The following DOK6 variants were observed in gnomAD, a reference collection of about 807,000 sequenced individuals.
DOK6 encodes the protein downstream of tyrosine kinase 6.
In DOK6, 22 loss-of-function variants were observed where a neutral mutation model predicts 44.0. The ratio of observed to expected loss-of-function variants is 0.50; its 90% confidence interval spans 0.36 to 0.71. DOK6 has a LOEUF of 0.71. DOK6 is among the 30% of genes least tolerant of loss of function. DOK6 has a pLI of 0.00. For missense variants in DOK6, 340 were observed against 416.4 expected (o/e 0.82, Z 1.60); for synonymous variants, 166 against 145.5 (o/e 1.14, Z -1.01).
At chr18:69,478,937 G>T (rs1980343656) in intron 1 of DOK6, among the ~76,000 whole-genome samples, 1 of 152,132 alleles carries the variant, frequency 6.6e-6, no homozygotes, top group Non-Finnish European at 1.5e-5. Context: ...AAGACCACCA[G>T]ATTGTAGTAT....
chr18:69,827,635 T>C (rs1981779705), intron 7 of DOK6, among the ~76,000 whole-genome samples: 2 of 152,024 alleles, frequency 1.3e-5, no homozygotes, highest in African/African-American at 4.8e-5. Context: ...AATGCAAGCT[T>C]AACCCTGTAT....
At chr18:69,401,333 T>C in intron 1 of DOK6, 23 bp downstream of exon 1, 1 of 1,493,914 alleles carries the variant, frequency 6.7e-7, no homozygotes, top group Non-Finnish European at 8.9e-7. Flanking sequence ...CTCGGCTTGC[T>C]CCTTCCCCGG....
intron 1 of DOK6, among the ~76,000 whole-genome samples, chr18:69,434,125 G>A (rs1165341034): frequency 1.3e-5 from 2 of 152,146 alleles, no homozygotes; most frequent in Admixed American, 6.5e-5. Context: ...TGGTGTGAAA[G>A]CAATGAAAGT....
intron 3 of DOK6, among the ~76,000 whole-genome samples, chr18:69,617,868 A>C (rs1984349398): frequency 6.6e-6 from 1 of 152,172 alleles, no homozygotes; most frequent in Non-Finnish European, 1.5e-5. Flanking sequence ...TTCAGGTCCT[A>C]ACCTCCAGTA....
chr18:69,653,377 C>T (rs534489932), intron 3 of DOK6, among the ~76,000 whole-genome samples: 15 of 151,820 alleles, frequency 9.9e-5, no homozygotes, highest in East Asian at 3.9e-4. Context: ...GCTGAGGTCC[C>T]GGAGAAAAGG....
At chr18:69,826,589 C>G (rs1410486677) in intron 7 of DOK6, among the ~76,000 whole-genome samples, 1 of 152,096 alleles carries the variant, frequency 6.6e-6, no homozygotes, top group Non-Finnish European at 1.5e-5. Context: ...TTCCTTCTTT[C>G]TCCTACAATC....
chr18:69,512,858 T>C (rs750641472), intron 1 of DOK6, among the ~76,000 whole-genome samples: 2 of 152,240 alleles, frequency 1.3e-5, no homozygotes, highest in Non-Finnish European at 2.9e-5. Flanking sequence ...AAAATGGTTA[T>C]AACTTTTAAC....
chr18:69,449,863 G>A (rs1296405321), intron 1 of DOK6, among the ~76,000 whole-genome samples: 1 of 151,036 alleles, frequency 6.6e-6, no homozygotes, highest in Non-Finnish European at 1.5e-5. Context: ...TCTGTTAGAA[G>A]GAAAACTAAC....
chr18:69,777,784 A>G (rs1190471223), intron 7 of DOK6: 1 of 151,470 alleles, frequency 6.6e-6, no homozygotes, highest in Non-Finnish European at 1.5e-5. Flanking sequence ...AGGATTCAAC[A>G]TGATATCTGT....
intron 7 of DOK6, among the ~76,000 whole-genome samples, chr18:69,783,635 A>G (rs191342545): frequency 1.3e-5 from 2 of 152,188 alleles, no homozygotes; most frequent in East Asian, 1.9e-4. Context: ...ATATTTCTTT[A>G]TTTTCTAAAA....
intron 1 of DOK6, among the ~76,000 whole-genome samples, chr18:69,403,517 AG>A (rs770644597): frequency 6.6e-6 from 1 of 152,318 alleles, no homozygotes; most frequent in Non-Finnish European, 1.5e-5. Flanking sequence ...AAACAATAAA[AG>A]TGTGTTCATA....
intron 2 of DOK6, among the ~76,000 whole-genome samples, chr18:69,594,235 CAGAT>C (rs1439370291): frequency 2.0e-5 from 3 of 150,892 alleles, no homozygotes; most frequent in South Asian, 2.1e-4. Context: ...GATGGATGGA[CAGAT>C]AGATAGCAAA....
At chr18:69,577,880 G>A (rs933386793) in intron 2 of DOK6, among the ~76,000 whole-genome samples, 4 of 151,956 alleles carry the variant, frequency 2.6e-5, no homozygotes, top group South Asian at 2.1e-4. Flanking sequence ...GATATCTATC[G>A]CCAATAAGAA....
chr18:69,806,503 T>A (rs1027133664), intron 7 of DOK6, among the ~76,000 whole-genome samples: 2 of 151,968 alleles, frequency 1.3e-5, no homozygotes, highest in South Asian at 4.1e-4. Context: ...GAAACTAGGA[T>A]TATTTCCCTC....
At chr18:69,542,411 T>A (rs533104619) in intron 1 of DOK6, among the ~76,000 whole-genome samples, 1 of 151,434 alleles carries the variant, frequency 6.6e-6, no homozygotes, top group Non-Finnish European at 1.5e-5. Flanking sequence ...TGTTAGTTAT[T>A]ATTACTGAAA....
intron 5 of DOK6, among the ~76,000 whole-genome samples, chr18:69,737,705 A>G (rs973728020): frequency 6.6e-6 from 1 of 152,202 alleles, no homozygotes; most frequent in African/African-American, 2.4e-5. Context: ...AGTAGTTTTT[A>G]CTTCAGAGAC....
chr18:69,482,555 T>A (rs1980458034), intron 1 of DOK6, among the ~76,000 whole-genome samples: 1 of 152,052 alleles, frequency 6.6e-6, no homozygotes, highest in Non-Finnish European at 1.5e-5. Context: ...GGAAAAACAA[T>A]TCTGTTCTAG....
At chr18:69,785,745 C>T (rs1430352678) in intron 7 of DOK6, among the ~76,000 whole-genome samples, 2 of 152,056 alleles carry the variant, frequency 1.3e-5, no homozygotes, top group African/African-American at 2.4e-5. Context: ...CCTGACATTA[C>T]GTTGTCCATT....
chr18:69,611,727 G>A (rs1984144627), intron 3 of DOK6, among the ~76,000 whole-genome samples: 1 of 152,136 alleles, frequency 6.6e-6, no homozygotes, highest in Non-Finnish European at 1.5e-5. Context: ...ATCCCAAAAG[G>A]TTTTAGATAC....
Sources: allele counts gnomAD v4.1 joint callset (sites outside exome capture counted in the v4.1 genomes callset), GRCh38; gene constraint gnomAD v4.1.1; transcripts MANE v1.5; gene names NCBI Gene and HGNC (gene_info 2026-07-23, HGNC 2026-07-21).